The following UGT1A6 variants were observed in gnomAD, a reference collection of about 807,000 sequenced individuals.
UGT1A6 encodes the protein UDP glucuronosyltransferase family 1 member A6.
UGT1A6 carries 32 observed loss-of-function variants against 44.4 expected under a neutral mutation model. The ratio of observed to expected loss-of-function variants is 0.72; its 90% CI spans 0.54 to 0.97. The LOEUF is 0.97. UGT1A6 is among the 50% of genes least tolerant of loss of function. The probability of loss-of-function intolerance (pLI) is 0.00; values close to 1 mark genes in which losing one functional copy is unlikely to be tolerated. For synonymous variants in UGT1A6, 238 were observed against 248.5 expected (o/e 0.96, Z 0.40); for missense variants, 685 against 661.9 (o/e 1.03, Z -0.38).
chr2:233,706,094 T>TAA lies in UGT1A6; in HGVS notation c.861+12237_861+12238dup, dbSNP rs141668784. On this transcript the variant is annotated intron_variant, in intron 1 of 4. Coordinates refer to ENST00000305139, the MANE Select transcript of UGT1A6 (RefSeq NM_001072.4). ...TGGGTGACAGAGCTAGATTCTGTCT[T>TAA]AAAAAAAAACCAAGAATTTCAGGAC... 1.5e-3 allele frequency among the ~76,000 whole-genome samples: 224 copies of TAA among 151,442 alleles called. 7 individuals carry two copies. The East Asian group carries it at 0.032, about 21-fold the overall frequency.
Position 233,713,210 on chromosome 2 carries a change from C to A in UGT1A6, c.861+19345C>A, listed in dbSNP as rs17874940. On this transcript the variant is annotated intron_variant, in intron 1 of 4. Coordinates refer to ENST00000305139, the MANE Select transcript of UGT1A6 (RefSeq NM_001072.4). Reference sequence around the variant, plus strand: ...TGAATATGTACATCAAAGAAGAGAACTTTTTCACCCTGACAACGTATGCCA... The same window carrying A: ...TGAATATGTACATCAAAGAAGAGAAATTTTTCACCCTGACAACGTATGCCA... 29 of 1,614,238 alleles carry A rather than the reference C, an allele frequency of 1.8e-5. 1 individual carries two copies. Among genetic ancestry groups the A allele is most frequent in the Middle Eastern group, 3.3e-4 (2 of 6,062 alleles).
intron 1 of UGT1A6, among the ~76,000 whole-genome samples, chr2:233,721,312 C>T (rs966115699): frequency 1.3e-5 from 2 of 152,056 alleles, no homozygotes; most frequent in Admixed American, 6.5e-5. Context: ...GTGATTGTGG[C>T]TCTTTTCTTG....
At chr2:233,737,753 A>G (rs151132399) in intron 1 of UGT1A6, among the ~76,000 whole-genome samples, 3 of 151,992 alleles carry the variant, frequency 2.0e-5, no homozygotes, top group East Asian at 1.9e-4. Context: ...CAGTTTTTCA[A>G]TGTGAACATA....
intron 1 of UGT1A6, among the ~76,000 whole-genome samples, chr2:233,705,256 ATGGGGTCACT>A (rs1239018382): frequency 6.6e-6 from 1 of 152,108 alleles, no homozygotes; most frequent in Admixed American, 6.6e-5. Flanking sequence ...AGATTATTCT[ATGGGGTCACT>A]TGCTTTCAAC....
intron 1 of UGT1A6, chr2:233,761,148 C>T: frequency 6.2e-7 from 1 of 1,614,128 alleles, no homozygotes; most frequent in Non-Finnish European, 8.5e-7. Context: ...ATCCACTATC[C>T]CAGGTGTGTA....
intron 1 of UGT1A6, among the ~76,000 whole-genome samples, chr2:233,744,283 G>A (rs1174780649): frequency 6.6e-6 from 1 of 151,820 alleles, no homozygotes; most frequent in Non-Finnish European, 1.5e-5. Context: ...CTTTATATCA[G>A]TCTTTTTCCT....
chr2:233,705,359 T>C (rs1380936065), intron 1 of UGT1A6, among the ~76,000 whole-genome samples: 3 of 152,218 alleles, frequency 2.0e-5, no homozygotes, highest in Non-Finnish European at 4.4e-5. Flanking sequence ...TACATGGGGT[T>C]TTGCTTTTAT....
At chr2:233,724,313 C>A (rs1238022468) in intron 1 of UGT1A6, among the ~76,000 whole-genome samples, 22 of 136,830 alleles carry the variant, frequency 1.6e-4, no homozygotes, top group Non-Finnish European at 2.9e-4. Context: ...CCCTCCCGGA[C>A]GGGGCGGCTG....
intron 1 of UGT1A6, chr2:233,713,938 A>C: frequency 6.2e-7 from 1 of 1,610,914 alleles, no homozygotes; most frequent in Non-Finnish European, 8.5e-7. Flanking sequence ...AAGTGCTTCC[A>C]TATCTACTTA....
intron 1 of UGT1A6, chr2:233,747,857 C>A (rs1438723140): frequency 6.2e-7 from 1 of 1,613,396 alleles, no homozygotes; most frequent in Non-Finnish European, 8.5e-7. Context: ...AGAACATGCT[C>A]TACCCTCTGG....
chr2:233,748,947 C>T (rs900612588), intron 1 of UGT1A6, among the ~76,000 whole-genome samples: 1 of 151,662 alleles, frequency 6.6e-6, no homozygotes. Context: ...CCCACCCTAT[C>T]CCACTCCAAG....
At chr2:233,702,910 T>A (rs78155632) in intron 1 of UGT1A6, among the ~76,000 whole-genome samples, 2,672 of 152,282 alleles carry the variant, frequency 0.018, 42 homozygotes, top group East Asian at 0.042. Context: ...ATATTGGAAG[T>A]CTTATTTTCT....
chr2:233,706,366 C>T (rs775485067), intron 1 of UGT1A6, among the ~76,000 whole-genome samples: 1 of 152,190 alleles, frequency 6.6e-6, no homozygotes, highest in East Asian at 1.9e-4. Context: ...CCAATTTAGG[C>T]CATTGTACAA....
At chr2:233,729,849 A>G (rs745766875) in intron 1 of UGT1A6, 35 of 1,613,614 alleles carry the variant, frequency 2.2e-5, no homozygotes, top group Non-Finnish European at 2.5e-5. Context: ...TTTTTCAGAG[A>G]GAGGTGTCAG....
At position 233,749,056 on chromosome 2, in the gene UGT1A6, A is replaced by T. The variant is rs140417619; in HGVS notation, c.862-17978A>T. Among the ~76,000 whole-genome samples, 122 of 151,804 alleles carry T rather than the reference A, an allele frequency of 8.0e-4. 1 individual carries two copies. Among genetic ancestry groups the T allele is most frequent in the African/African-American group, 2.8e-3 (116 of 41,130 alleles). On this transcript the variant is annotated intron_variant, in intron 1 of 4. Transcript: ENST00000305139. ...CATTGATGTGGTACTCTGGGACCTG[A>T]ATATTGTTTCTTATTCCTTGGTGTG... is the stretch of plus-strand genomic sequence containing the variant.
At chr2:233,745,046 G>GT (rs1692997137) in intron 1 of UGT1A6, among the ~76,000 whole-genome samples, 1 of 151,780 alleles carries the variant, frequency 6.6e-6, no homozygotes, top group Admixed American at 6.6e-5. Flanking sequence ...TACAGTATTG[G>GT]TTTTTTATTT....
intron 1 of UGT1A6, among the ~76,000 whole-genome samples, chr2:233,698,809 G>A (rs898183693): frequency 2.6e-5 from 4 of 152,220 alleles, no homozygotes; most frequent in Non-Finnish European, 2.9e-5. Flanking sequence ...TCCCAGCCTC[G>A]CCTTGTGGAA....
chr2:233,726,121 A>G (rs2077505060), intron 1 of UGT1A6, among the ~76,000 whole-genome samples: 1 of 152,216 alleles, frequency 6.6e-6, no homozygotes, highest in South Asian at 2.1e-4. Context: ...TGCCATGTTC[A>G]CACCACCTCA....
rs1700519300 is a variant in UGT1A6 at position 233,772,417 on chromosome 2, A to G, written c.1457A>G (p.His486Arg). Residue 486 changes from histidine to arginine, a missense_variant, in exon 5 of 5, where the codon CAT (histidine) becomes CGT (arginine). Coordinates refer to ENST00000305139, the MANE Select transcript of UGT1A6 (RefSeq NM_001072.4). ...CACGACCTCACCTGGTACCAGTACCATTCCTTGGACGTGATTGGTTTCCTC... is the reference window on the plus strand; with the variant it reads ...CACGACCTCACCTGGTACCAGTACCGTTCCTTGGACGTGATTGGTTTCCTC... ...AAHDLTWYQYHSLDVIGFLLA... is the reference protein window; with the variant it reads ...AAHDLTWYQYRSLDVIGFLLA... 1.2e-6 allele frequency: 2 copies of G among 1,614,214 alleles called. No individual in the cohort carries two copies. The highest frequency in any genetic ancestry group is 2.7e-5 in the African/African-American group (2 of 75,044).
Sources: allele counts gnomAD v4.1 joint callset (sites outside exome capture counted in the v4.1 genomes callset), GRCh38; gene constraint gnomAD v4.1.1; transcripts MANE v1.5; gene names NCBI Gene and HGNC (gene_info 2026-07-23, HGNC 2026-07-21).